FAT3: variants seen among roughly 807,000 people sequenced by gnomAD.
FAT3 encodes the protein protocadherin Fat 3.
In FAT3, 95 loss-of-function variants were observed where a neutral mutation model predicts 310.2. The ratio of observed to expected loss-of-function variants is 0.31; its 90% CI spans 0.26 to 0.36. The LOEUF is 0.36. Among genes scored for constraint, FAT3 ranks in the 10% least tolerant of loss-of-function variants. FAT3 has a pLI of 1.00. For synonymous variants in FAT3, 2,314 were observed against 2,192.9 expected (o/e 1.06, Z -1.54); for missense variants, 5,408 against 5,715.6 (o/e 0.95, Z 1.74).
intron 3 of FAT3, among the ~76,000 whole-genome samples, chr11:92,647,321 C>T (rs972740679): frequency 1.3e-5 from 2 of 151,990 alleles, no homozygotes; most frequent in African/African-American, 2.4e-5. Flanking sequence ...GATTCATATA[C>T]AGGAGGATGT....
Position 92,254,899 on chromosome 11 carries a change from T to A in FAT3, c.-18+29725T>A, listed in dbSNP as rs189736088. ...TTTTGTATTTTTAGTAGAGATCGGT[T>A]TTCACCGTGTTAGCCAGGCTGATCT... On this transcript the variant is annotated intron_variant, in intron 1 of 27. Transcript: ENST00000525166. Among the ~76,000 whole-genome samples, 264 of 151,828 alleles carry A rather than the reference T, an allele frequency of 1.7e-3. 3 individuals are homozygous for A. The highest frequency in any genetic ancestry group is 0.017 in the Middle Eastern group (5 of 294).
At chr11:92,647,787 C>T (rs1017079475) in intron 3 of FAT3, among the ~76,000 whole-genome samples, 6 of 151,944 alleles carry the variant, frequency 3.9e-5, no homozygotes, top group African/African-American at 9.7e-5. Flanking sequence ...AAACAAGGAA[C>T]GCAGGAAACA....
chr11:92,319,174 G>C (rs879292489), intron 1 of FAT3, among the ~76,000 whole-genome samples: 2 of 152,150 alleles, frequency 1.3e-5, no homozygotes, highest in Non-Finnish European at 2.9e-5. Flanking sequence ...TTTTCCCCTA[G>C]AGTAATCAGC....
intron 3 of FAT3, among the ~76,000 whole-genome samples, chr11:92,642,528 A>G (rs903864359): frequency 2.0e-5 from 3 of 152,254 alleles, no homozygotes; most frequent in African/African-American, 7.2e-5. Flanking sequence ...CTGACCAGAG[A>G]ATTCACAGAC....
At chr11:92,561,116 G>T (rs1280077422) in intron 3 of FAT3, among the ~76,000 whole-genome samples, 1 of 152,162 alleles carries the variant, frequency 6.6e-6, no homozygotes, top group Non-Finnish European at 1.5e-5. Context: ...TTAATAGCCT[G>T]TCTGAGGCAC....
chr11:92,397,619 C>T (rs1027668389), intron 2 of FAT3, among the ~76,000 whole-genome samples: 2 of 152,172 alleles, frequency 1.3e-5, no homozygotes, highest in Non-Finnish European at 2.9e-5. Context: ...AAGTCTCACG[C>T]ATGCATCACC....
chr11:92,609,489 T>C (rs1940463545), intron 3 of FAT3, among the ~76,000 whole-genome samples: 1 of 152,242 alleles, frequency 6.6e-6, no homozygotes. Context: ...TGGTGGAATT[T>C]GAATTTGGAT....
At chr11:92,439,921 GAAAGAA>G (rs1238598785) in intron 2 of FAT3, among the ~76,000 whole-genome samples, 1 of 146,712 alleles carries the variant, frequency 6.8e-6, no homozygotes, top group African/African-American at 2.6e-5. Flanking sequence ...GTCTCAAAAA[GAAAGAA>G]AAAGAAAAGA....
intron 10 of FAT3, 122 bp downstream of exon 10, chr11:92,802,031 C>T (rs1947374735): frequency 1.0e-6 from 1 of 962,052 alleles, no homozygotes; most frequent in African/African-American, 1.7e-5. Flanking sequence ...TGAAGCCTCT[C>T]TGGAGCTGAG....
chr11:92,368,247 G>GT (rs372006185), intron 2 of FAT3, among the ~76,000 whole-genome samples: 1 of 151,966 alleles, frequency 6.6e-6, no homozygotes, highest in Non-Finnish European at 1.5e-5. Context: ...TGAAATTTGT[G>GT]TTTTTTATTA....
chr11:92,386,640 G>T (rs540690774), intron 2 of FAT3, among the ~76,000 whole-genome samples: 59 of 152,278 alleles, frequency 3.9e-4, no homozygotes, highest in African/African-American at 1.3e-3. Flanking sequence ...CACTGCCCTT[G>T]GGTAGTTTAA....
At chr11:92,382,975 G>A (rs190892406) in intron 2 of FAT3, among the ~76,000 whole-genome samples, 1 of 152,184 alleles carries the variant, frequency 6.6e-6, no homozygotes, top group African/African-American at 2.4e-5. Flanking sequence ...TATTCTTCCC[G>A]ATGCTCTCCC....
intron 4 of FAT3, among the ~76,000 whole-genome samples, chr11:92,715,940 A>G (rs937771089): frequency 6.6e-6 from 1 of 152,108 alleles, no homozygotes; most frequent in African/African-American, 2.4e-5. Flanking sequence ...GGAGAGCAGT[A>G]GAGGAGGGAA....
intron 3 of FAT3, among the ~76,000 whole-genome samples, chr11:92,624,826 G>A (rs1941250203): frequency 6.6e-6 from 1 of 152,178 alleles, no homozygotes; most frequent in African/African-American, 2.4e-5. Flanking sequence ...TGAAATCAAT[G>A]TTTTGGCAGG....
intron 2 of FAT3, among the ~76,000 whole-genome samples, chr11:92,368,202 G>C (rs1247704806): frequency 6.6e-6 from 1 of 152,012 alleles, no homozygotes; most frequent in African/African-American, 2.4e-5. Context: ...TAGAAAATAA[G>C]AAAGATTATT....
At chr11:92,274,696 C>T (rs1946217105) in intron 1 of FAT3, among the ~76,000 whole-genome samples, 2 of 151,924 alleles carry the variant, frequency 1.3e-5, no homozygotes, top group African/African-American at 4.8e-5. Flanking sequence ...GTTTTCTTTA[C>T]TAGTTTAGGG....
At chr11:92,417,594 A>T (rs1054326786) in intron 2 of FAT3, among the ~76,000 whole-genome samples, 3 of 152,196 alleles carry the variant, frequency 2.0e-5, no homozygotes, top group African/African-American at 7.2e-5. Flanking sequence ...AGGGGAAGTG[A>T]TATCTGAAGC....
At chr11:92,804,909 C>T (rs1274540051) in intron 10 of FAT3, among the ~76,000 whole-genome samples, 1 of 152,222 alleles carries the variant, frequency 6.6e-6, no homozygotes, top group Non-Finnish European at 1.5e-5. Context: ...GAGATCATCT[C>T]CAGCTTCTCT....
At chr11:92,432,070 T>A (rs979443629) in intron 2 of FAT3, among the ~76,000 whole-genome samples, 1 of 152,192 alleles carries the variant, frequency 6.6e-6, no homozygotes, top group African/African-American at 2.4e-5. Flanking sequence ...TGGCATTGAA[T>A]CTATAAATTA....
Sources: allele counts gnomAD v4.1 joint callset (sites outside exome capture counted in the v4.1 genomes callset), GRCh38; gene constraint gnomAD v4.1.1; transcripts MANE v1.5; gene names NCBI Gene and HGNC (gene_info 2026-07-23, HGNC 2026-07-21).